Variants in RARB observed in about 807,000 individuals in gnomAD.
RARB encodes HBV-activated protein.
In RARB, 17 loss-of-function variants were observed where a neutral mutation model predicts 51.9. That is an observed-to-expected ratio of 0.33 (90% CI 0.22 to 0.49). The LOEUF is 0.49. Among genes scored for constraint, RARB ranks in the 20% least tolerant of loss-of-function variants. RARB has a pLI of 0.99. For missense variants in RARB, 369 were observed against 550.8 expected (o/e 0.67, Z 3.30); for synonymous variants, 215 against 195.4 (o/e 1.10, Z -0.84).
At chr3:25,080,843 G>T (rs76670185) in intron 3 of RARB, among the ~76,000 whole-genome samples, 2 of 151,822 alleles carry the variant, frequency 1.3e-5, no homozygotes, top group Non-Finnish European at 2.9e-5. Flanking sequence ...CTACTTTTAA[G>T]GTTTTTTAAA....
chr3:25,421,403 C>CTTTTTTTTTTTTTTTTTTTTT (rs766378555), intron 5 of RARB, among the ~76,000 whole-genome samples: 1 of 72,364 alleles, frequency 1.4e-5, no homozygotes, highest in African/African-American at 6.5e-5. Flanking sequence ...TTCTTCTTTT[C>CTTTTTTTTTTTTTTTTTTTTT]TTTTTTTTTT....
intron 2 of RARB, among the ~76,000 whole-genome samples, chr3:25,016,147 A>T (rs1697503380): frequency 6.6e-6 from 1 of 152,192 alleles, no homozygotes; most frequent in African/African-American, 2.4e-5. Flanking sequence ...TGTCGCTTGT[A>T]ACAATTTTTG....
At chr3:25,289,742 T>G (rs1703742172) in intron 5 of RARB, among the ~76,000 whole-genome samples, 2 of 152,102 alleles carry the variant, frequency 1.3e-5, no homozygotes, top group Admixed American at 1.3e-4. Context: ...GGCGAAGGAT[T>G]TTTTTTCTAT....
At chr3:25,590,622 A>T (rs60609026) in intron 5 of RARB, among the ~76,000 whole-genome samples, 1 of 151,882 alleles carries the variant, frequency 6.6e-6, no homozygotes, top group Non-Finnish European at 1.5e-5. Flanking sequence ...CCAGTTCAAG[A>T]GATTCTCCAA....
chr3:25,312,950 A>G (rs749730409), intron 5 of RARB, among the ~76,000 whole-genome samples: 45 of 152,262 alleles, frequency 3.0e-4, no homozygotes, highest in Non-Finnish European at 5.1e-4. Flanking sequence ...ACCCATCTGT[A>G]TCACACCCTG....
intron 3 of RARB, among the ~76,000 whole-genome samples, chr3:25,130,923 ATTT>A (rs1234363531): frequency 3.3e-3 from 64 of 19,606 alleles, no homozygotes; most frequent in African/African-American, 0.011. Context: ...TATTATCAAT[ATTT>A]ATCATTGATA....
intron 2 of RARB, among the ~76,000 whole-genome samples, chr3:24,869,871 G>T (rs1166131580): frequency 6.6e-6 from 1 of 152,022 alleles, no homozygotes; most frequent in Non-Finnish European, 1.5e-5. Context: ...ACAATAGATT[G>T]TGTATGAGTA....
intron 2 of RARB, among the ~76,000 whole-genome samples, chr3:24,927,825 A>G (rs183216939): frequency 6.6e-6 from 1 of 152,036 alleles, no homozygotes; most frequent in Non-Finnish European, 1.5e-5. Flanking sequence ...AGGTGCTAGA[A>G]ATTTTTCATG....
chr3:25,162,406 C>A (rs1041697531), intron 4 of RARB, among the ~76,000 whole-genome samples: 3 of 152,128 alleles, frequency 2.0e-5, no homozygotes, highest in Admixed American at 6.5e-5. Context: ...ACACGCCCAG[C>A]CATTCTTTTT....
At chr3:24,928,624 C>T (rs1004117260) in intron 2 of RARB, among the ~76,000 whole-genome samples, 1 of 151,924 alleles carries the variant, frequency 6.6e-6, no homozygotes, top group Non-Finnish European at 1.5e-5. Flanking sequence ...AGCTTCTCAG[C>T]AAAAAGTGTT....
At chr3:25,276,094 C>T (rs1365311250) in intron 5 of RARB, among the ~76,000 whole-genome samples, 1 of 152,174 alleles carries the variant, frequency 6.6e-6, no homozygotes. Context: ...ATGTTTACAT[C>T]ATGGGGATAG....
At chr3:24,899,819 T>C (rs1334206371) in intron 2 of RARB, among the ~76,000 whole-genome samples, 1 of 152,254 alleles carries the variant, frequency 6.6e-6, no homozygotes, top group Non-Finnish European at 1.5e-5. Flanking sequence ...GACTTCTGCT[T>C]TGTACCAACA....
At chr3:25,146,002 TA>T (rs34124476) in intron 4 of RARB, among the ~76,000 whole-genome samples, 286 of 146,156 alleles carry the variant, frequency 2.0e-3, no homozygotes, top group Middle Eastern at 3.6e-3. Context: ...AAACTTCATC[TA>T]AAAAAAAAAA....
At chr3:25,249,459 T>C in intron 5 of RARB, among the ~76,000 whole-genome samples, 1 of 152,194 alleles carries the variant, frequency 6.6e-6, no homozygotes, top group Non-Finnish European at 1.5e-5. Context: ...AATCTGTTGC[T>C]GGAAAATTGT....
intron 2 of RARB, among the ~76,000 whole-genome samples, chr3:24,868,702 C>T (rs1702894503): frequency 6.6e-6 from 1 of 152,188 alleles, no homozygotes; most frequent in Non-Finnish European, 1.5e-5. Context: ...AGCCTGCTAC[C>T]TGGCGACTTC....
chr3:24,943,203 G>A (rs143937401), intron 2 of RARB, among the ~76,000 whole-genome samples: 336 of 152,276 alleles, frequency 2.2e-3, no homozygotes, highest in African/African-American at 7.9e-3. Context: ...TCCGAGTTTA[G>A]GGGGAGAAAT....
intron 2 of RARB, among the ~76,000 whole-genome samples, chr3:24,940,059 T>C (rs1005203171): frequency 6.6e-6 from 1 of 152,182 alleles, no homozygotes; most frequent in Non-Finnish European, 1.5e-5. Context: ...GGGATGACTG[T>C]GTAGAGTTAA....
chr3:25,594,485 C>A, intron 6 of RARB, 35 bp from the exon 7 acceptor site: 1 of 1,556,810 alleles, frequency 6.4e-7, no homozygotes, highest in Non-Finnish European at 8.7e-7. Flanking sequence ...GGCATAAATC[C>A]TGATTTTGTT....
chr3:24,965,224 A>G (rs1437364467), intron 2 of RARB, among the ~76,000 whole-genome samples: 1 of 152,078 alleles, frequency 6.6e-6, no homozygotes, highest in Non-Finnish European at 1.5e-5. Context: ...TATTTTTGTC[A>G]GGTATTTTGT....
Sources: allele counts gnomAD v4.1 joint callset (sites outside exome capture counted in the v4.1 genomes callset), GRCh38; gene constraint gnomAD v4.1.1; transcripts MANE v1.5; gene names NCBI Gene and HGNC (gene_info 2026-07-23, HGNC 2026-07-21).